POC1B: variants seen among roughly 807,000 people sequenced by gnomAD.
The protein encoded by POC1B is POC1 centriolar protein B.
POC1B carries 44 observed loss-of-function variants against 60.6 expected under a neutral mutation model. That is an observed-to-expected ratio of 0.73 (90% CI 0.57 to 0.93). POC1B has a LOEUF of 0.93. Ranked by LOEUF, POC1B falls within the 40% of genes least tolerant of loss-of-function variation. POC1B has a pLI of 0.00. For missense variants in POC1B, 555 were observed against 572.3 expected, an observed-to-expected ratio of 0.97 and a Z score of 0.31; for synonymous variants, 180 against 198.9, an observed-to-expected ratio of 0.90 and a Z score of 0.80.
chr12:89,468,008 C>G (rs963773511), intron 7 of POC1B, among the ~76,000 whole-genome samples: 1 of 152,162 alleles, frequency 6.6e-6, no homozygotes, highest in Non-Finnish European at 1.5e-5. Flanking sequence ...GCTTTGGACT[C>G]TGTATTCAAC....
intron 2 of POC1B, chr12:89,523,073 CT>C: frequency 6.2e-7 from 1 of 1,613,812 alleles, no homozygotes; most frequent in East Asian, 2.2e-5. Context: ...AACCTTATTT[CT>C]TTGTTTGAAG....
At chr12:89,472,405 A>G (rs1462398846) in intron 4 of POC1B, 130 bp from the exon 5 acceptor site, 7 of 626,552 alleles carry the variant, frequency 1.1e-5, no homozygotes, top group South Asian at 4.1e-5. Context: ...CCCATGCAGT[A>G]AAGTCATATT....
chr12:89,497,642 C>T (rs1320403473), intron 2 of POC1B, among the ~76,000 whole-genome samples: 4 of 152,086 alleles, frequency 2.6e-5, no homozygotes, highest in East Asian at 1.9e-4. Flanking sequence ...AGAGGGTACA[C>T]GGGACTAAGA....
At chr12:89,454,756 T>C (rs930916291) in intron 10 of POC1B, among the ~76,000 whole-genome samples, 6 of 152,192 alleles carry the variant, frequency 3.9e-5, no homozygotes, top group Admixed American at 2.0e-4. Context: ...CTGTACTATA[T>C]ACAGTTTATT....
chr12:89,423,836 T>C (rs1479664091), intron 11 of POC1B, among the ~76,000 whole-genome samples: 2 of 152,148 alleles, frequency 1.3e-5, no homozygotes, highest in Non-Finnish European at 2.9e-5. Flanking sequence ...GGAGGAGAAA[T>C]AGGTCATGAA....
intron 3 of POC1B, among the ~76,000 whole-genome samples, chr12:89,493,400 G>C (rs1410763662): frequency 6.6e-6 from 1 of 152,136 alleles, no homozygotes; most frequent in East Asian, 1.9e-4. Flanking sequence ...AATTCCACTT[G>C]GAACAGTCAA....
the POC1B span, among the ~76,000 whole-genome samples, chr12:89,408,643 C>T: frequency 0.53 from 80,901 of 151,882 alleles, 23,104 homozygotes; most frequent in Non-Finnish European, 0.64. Context: ...CCTGCCACCA[C>T]GCCCGGCTAA....
intron 2 of POC1B, among the ~76,000 whole-genome samples, chr12:89,516,309 A>G (rs1011734288): frequency 6.6e-6 from 1 of 152,108 alleles, no homozygotes; most frequent in Non-Finnish European, 1.5e-5. Flanking sequence ...GACATGGGGT[A>G]TTTGTTCTCA....
chr12:89,496,278 C>T (rs896257614), intron 3 of POC1B, among the ~76,000 whole-genome samples: 6 of 152,136 alleles, frequency 3.9e-5, no homozygotes, highest in Non-Finnish European at 8.8e-5. Context: ...GCCGCTGATC[C>T]GACAAGAGGC....
chr12:89,425,340 C>T lies in POC1B; in HGVS notation c.1153G>A (p.Glu385Lys). 1.2e-6 allele frequency: 2 copies of T among 1,614,130 alleles called. No homozygotes were observed. The highest frequency in any genetic ancestry group is 1.7e-6 in the Non-Finnish European group (2 of 1,180,008). ...TTCAAGAAATATCCACAGGCCTCTT[C>T]ACCCTTGTCTGGCAGAGTCCTACCA... Reference protein sequence around the residue: ...TSGRTLPDKGEEACGYFLNPS... With the variant: ...TSGRTLPDKGKEACGYFLNPS... The change falls in exon 11 of 12, where the codon GAA becomes AAA. Residue 385 changes from glutamate (E) to lysine (K), a missense_variant. Coordinates refer to ENST00000313546, the MANE Select transcript of POC1B (RefSeq NM_172240.3).
At chr12:89,424,326 T>C (rs1880661186) in intron 11 of POC1B, among the ~76,000 whole-genome samples, 1 of 152,246 alleles carries the variant, frequency 6.6e-6, no homozygotes, top group Admixed American at 6.5e-5. Context: ...CAGGTATATG[T>C]ACATTTTTTA....
At chr12:89,502,378 G>GATT (rs948986874) in intron 2 of POC1B, 1 of 1,592,426 alleles carries the variant, frequency 6.3e-7, no homozygotes, top group Non-Finnish European at 8.6e-7. Context: ...ACAGCAAATA[G>GATT]ATTATCAAGG....
intron 2 of POC1B, chr12:89,522,359 A>G (rs1324388174): frequency 1.0e-5 from 4 of 393,128 alleles, no homozygotes; most frequent in Non-Finnish European, 1.8e-5. Context: ...TGTGCTGGCT[A>G]AAAAAGAAAT....
At chr12:89,525,287 G>A in intron 1 of POC1B, 83 bp from the exon 2 acceptor site, 1 of 1,514,030 alleles carries the variant, frequency 6.6e-7, no homozygotes. Context: ...CACTTCCCCG[G>A]AGTCCGGCTT....
At chr12:89,447,917 C>G (rs1468269329) in intron 10 of POC1B, among the ~76,000 whole-genome samples, 1 of 151,918 alleles carries the variant, frequency 6.6e-6, no homozygotes, top group Admixed American at 6.6e-5. Flanking sequence ...CAAACTGAGT[C>G]TGAGGAGCCC....
chr12:89,441,643 A>G (rs1472718846), intron 10 of POC1B, among the ~76,000 whole-genome samples: 1 of 152,234 alleles, frequency 6.6e-6, no homozygotes, highest in East Asian at 1.9e-4. Flanking sequence ...CCAAAGGTAG[A>G]TAAAACCACA....
chr12:89,436,088 G>A (rs995733825), intron 10 of POC1B, among the ~76,000 whole-genome samples: 1 of 151,876 alleles, frequency 6.6e-6, no homozygotes, highest in African/African-American at 2.4e-5. Flanking sequence ...GAGACTACAG[G>A]TGCACACCAC....
intron 9 of POC1B, chr12:89,461,829 C>T (rs1426263126): frequency 6.6e-6 from 1 of 152,188 alleles, no homozygotes; most frequent in Non-Finnish European, 1.5e-5. Context: ...CAAACACAGC[C>T]TCCTGCCATT....
the POC1B span, among the ~76,000 whole-genome samples, chr12:89,403,989 A>G: frequency 6.6e-6 from 1 of 152,048 alleles, no homozygotes; most frequent in Non-Finnish European, 1.5e-5. Flanking sequence ...AAAATTAGCC[A>G]GGCGTGGTGG....
Sources: gnomAD v4.1 joint callset for allele counts (sites outside exome capture counted in the v4.1 genomes callset) on GRCh38, gnomAD v4.1.1 for gene constraint, MANE v1.5 for transcripts, NCBI Gene and HGNC (gene_info 2026-07-23, HGNC 2026-07-21) for gene names.